Variants in ZNF746 observed in about 807,000 individuals in gnomAD.
ZNF746 encodes parkin-interacting substrate.
A neutral mutation model predicts 41.0 loss-of-function variants in ZNF746; 13 were observed. That is an observed-to-expected ratio of 0.32 (90% CI 0.21 to 0.50). The LOEUF (loss-of-function observed/expected upper bound fraction) is 0.50, where lower values mean the gene tolerates loss of function less well. ZNF746 is among the 20% of genes least tolerant of loss of function. ZNF746 has a pLI of 0.98. For synonymous variants in ZNF746, 424 were observed against 396.2 expected, an observed-to-expected ratio of 1.07 and a Z score of -0.83; for missense variants, 811 against 922.9, an observed-to-expected ratio of 0.88 and a Z score of 1.57.
At chr7:149,487,687 A>G (rs984008950) in intron 4 of ZNF746, 3 of 152,222 alleles carry the variant, frequency 2.0e-5, no homozygotes, top group Non-Finnish European at 2.9e-5. Flanking sequence ...AATAACTAAT[A>G]CATCTAATAA....
At chr7:149,480,928 A>G (rs1800467438) in intron 4 of ZNF746, among the ~76,000 whole-genome samples, 1 of 152,212 alleles carries the variant, frequency 6.6e-6, no homozygotes, top group Non-Finnish European at 1.5e-5. Context: ...AAGGTTAGAA[A>G]GGGGGCAAGG....
Position 149,494,202 on chromosome 7 carries a change from AC to A in ZNF746, c.324+1del. 1 of 1,613,982 alleles carries A rather than the reference AC, an allele frequency of 6.2e-7. No individual in the cohort carries two copies. Among genetic ancestry groups the A allele is most frequent in the Non-Finnish European group, 8.5e-7 (1 of 1,179,924 alleles). ...CCACACCCCAAGGCGTCCCAGGGCT[AC>A]CTTAGGGGACTCCCCCTTGCTGCCC... On this transcript the variant is annotated splice_donor_variant, in intron 2 of 6. Transcript: ENST00000458143. LOFTEE classifies it high-confidence loss of function. The surrounding 1 kb of genome is among the most constrained non-coding windows in gnomAD (Gnocchi z 5.6).
At chr7:149,496,895 G>C (rs1801015955) in intron 1 of ZNF746, 1 of 985,290 alleles carries the variant, frequency 1.0e-6, no homozygotes, top group South Asian at 4.7e-5. Flanking sequence ...ACACTTTCCA[G>C]CTGGGTAAGC....
intron 4 of ZNF746, chr7:149,491,813 C>T (rs981333794): frequency 2.9e-6 from 2 of 697,744 alleles, no homozygotes; most frequent in East Asian, 2.7e-5. Flanking sequence ...GGGGTCGAGC[C>T]TTGCAGAGAT....
Position 149,497,560 on chromosome 7 carries a change from C to A in ZNF746, c.-24G>T. 9.4e-7 allele frequency: 1 copy of A among 1,060,646 alleles called. No individual in the cohort carries two copies. Among genetic ancestry groups the A allele is most frequent in the Non-Finnish European group, 1.1e-6 (1 of 881,978 alleles). 65.7% of individuals were successfully genotyped at this position (1,060,646 alleles called of 1,614,324 possible). ...ATGGCCCTGCGCTGTCCCGCCCGGC[C>A]CGGAGGAAGTCGTCGTCGCCGCCGC... On this transcript the variant is annotated 5_prime_UTR_variant, in exon 1 of 7. Transcript: ENST00000458143. This position sits in a 1 kb window ranked among gnomAD's most constrained non-coding sequence, Gnocchi z 4.2.
At chr7:149,489,083 G>A (rs1324162080) in intron 4 of ZNF746, 2 of 152,030 alleles carry the variant, frequency 1.3e-5, no homozygotes, top group Non-Finnish European at 2.9e-5. Context: ...TAATTTTTCA[G>A]AACACAAAAA....
rs1474143327 is a variant in ZNF746, at chr7:149,474,875, C to A, written c.1492G>T (p.Gly498Cys). Residue 498 changes from glycine to cysteine, a missense_variant, in exon 7 of 7, where the codon GGC becomes TGC. This residue lies in a region of ZNF746 where 495 missense variants were observed against 481.6 expected (regional missense o/e 1.03). Transcript: ENST00000458143. The surrounding 1 kb of genome is among the most constrained non-coding windows in gnomAD (Gnocchi z 6.3). ...QRSCGAPDGS[G>C]PGTGGGGSGS... ...CTGCCGCCACCGCCTGTGCCCGGGC[C>A]CGACCCGTCGGGCGCCCCACAGCTG... 9 of 1,505,890 alleles carry A rather than the reference C, an allele frequency of 6.0e-6. No individual in the cohort carries two copies. Among genetic ancestry groups the A allele is most frequent in the Non-Finnish European group, 6.2e-6 (7 of 1,133,026 alleles). 93.3% of individuals were successfully genotyped at this position (1,505,890 alleles called of 1,614,324 possible). A position where few individuals can be genotyped will look rare whatever the true frequency, so the allele number is the denominator to read the frequency against.
chr7:149,480,324 G>T (rs562356049), intron 4 of ZNF746, among the ~76,000 whole-genome samples: 174 of 152,246 alleles, frequency 1.1e-3, no homozygotes, highest in African/African-American at 3.9e-3. Context: ...TAAAAAGGGG[G>T]AATGAAAGTA....
At chr7:149,485,700 G>A (rs993295634) in intron 4 of ZNF746, among the ~76,000 whole-genome samples, 13 of 151,510 alleles carry the variant, frequency 8.6e-5, no homozygotes, top group East Asian at 7.7e-4. Flanking sequence ...AGAAGATAAC[G>A]GCAACACACA....
chr7:149,493,359 G>A (rs1190639901), intron 3 of ZNF746, among the ~76,000 whole-genome samples: 3 of 152,200 alleles, frequency 2.0e-5, no homozygotes, highest in Non-Finnish European at 2.9e-5. Flanking sequence ...ACAACCTCAC[G>A]TCTGCACCTG....
At chr7:149,476,661 A>G (rs10266573) in intron 6 of ZNF746, among the ~76,000 whole-genome samples, 1 of 151,958 alleles carries the variant, frequency 6.6e-6, no homozygotes, top group Non-Finnish European at 1.5e-5. Context: ...TTCAAGAGAT[A>G]GGCTTGTTAG....
chr7:149,484,549 A>C lies in ZNF746; in HGVS notation c.566-6794T>G, dbSNP rs74659752. Among the ~76,000 whole-genome samples the C allele has an allele frequency of 2.0e-5, 3 of 152,362 alleles. No homozygotes were observed. The East Asian group carries it at 5.8e-4, about 29-fold the overall frequency. ...AGCCAGATAAAGGATATTTGTAAAC[A>C]AAATCTTTAGCAAATATTATACTCA... On this transcript the variant is annotated intron_variant, in intron 4 of 6. Transcript: ENST00000458143.
chr7:149,477,734 G>A lies in ZNF746; in HGVS notation c.587C>T (p.Ala196Val). The change falls in exon 5 of 7, where the codon GCC (alanine) becomes GTC (valine). Residue 196 changes from alanine (A) to valine (V), a missense_variant. Physicochemically the swap from Ala to Val is moderately conservative, Grantham distance 64. This residue lies in a region of ZNF746 where 495 missense variants were observed against 481.6 expected (regional missense o/e 1.03). Transcript: ENST00000458143. ...PSPGSGPPVP[A>V]PDLLMQIKQE... is the part of the protein sequence containing the mutation. ...CTTGATCTGCATCAAGAGGTCTGGG[G>A]CGGGAACTGGGGGCCCCGAGCCTAG... 1 of 1,608,504 alleles carries A rather than the reference G, an allele frequency of 6.2e-7. No individual in the cohort carries two copies. The highest frequency in any genetic ancestry group is 8.5e-7 in the Non-Finnish European group (1 of 1,176,006).
At chr7:149,495,428 T>C (rs980029897) in intron 1 of ZNF746, among the ~76,000 whole-genome samples, 12 of 152,150 alleles carry the variant, frequency 7.9e-5, no homozygotes, top group South Asian at 2.1e-4. Flanking sequence ...TTCCCTGTCA[T>C]TGGAAATGTT....
intron 4 of ZNF746, among the ~76,000 whole-genome samples, chr7:149,483,106 C>A (rs544511646): frequency 6.6e-6 from 1 of 152,268 alleles, no homozygotes; most frequent in East Asian, 1.9e-4. Flanking sequence ...AGCTACAACA[C>A]AATTAAGTTT....
intron 4 of ZNF746, among the ~76,000 whole-genome samples, chr7:149,486,336 C>T (rs778909979): frequency 3.2e-5 from 4 of 124,684 alleles, no homozygotes; most frequent in Non-Finnish European, 5.3e-5. Flanking sequence ...CTTTTCTTTC[C>T]TATGACCCAG....
chr7:149,494,238 C>A lies in ZNF746; in HGVS notation c.290G>T (p.Arg97Leu). ...LLRNRNFWILRLPPGSKGESP... is the reference protein window; with the variant it reads ...LLRNRNFWILLLPPGSKGESP... The stretch of plus-strand genomic sequence containing the variant: ...CTCCCCCTTGCTGCCCGGGGGCAGC[C>A]GCAGGATCCAGAAGTTCCTGTTGCG... Residue 97 changes from arginine (R) to leucine (L), a missense_variant, in exon 2 of 7, where the codon CGG (arginine) becomes CTG (leucine). Physicochemically the swap from Arg to Leu is moderately radical, Grantham distance 102 (BLOSUM62 -2). This residue lies in a region of ZNF746 where 147 missense variants were observed against 233.4 expected (regional missense o/e 0.63). Coordinates refer to ENST00000458143, the MANE Select transcript of ZNF746 (RefSeq NM_001394198.1). This position sits in a 1 kb window ranked among gnomAD's most constrained non-coding sequence, Gnocchi z 5.6. The A allele has an allele frequency of 6.2e-7, 1 of 1,614,150 alleles. No individual in the cohort carries two copies. Among genetic ancestry groups the A allele is most frequent in the Non-Finnish European group, 8.5e-7 (1 of 1,180,010 alleles).
chr7:149,493,620 G>A (rs563868625), intron 3 of ZNF746, among the ~76,000 whole-genome samples: 3 of 152,362 alleles, frequency 2.0e-5, no homozygotes, highest in South Asian at 4.1e-4. Context: ...TAAGGGCCAC[G>A]CATGTTTGTA....
In ZNF746 at chr7:149,474,278, T is replaced by G. The variant is rs1199947443; in HGVS notation, c.*106A>C. ...TCATCAGTTCAGCAACTTGGACATTTGGTTCTCCCCGTCCCGCGTCTGCCT... is the reference window on the plus strand; with the variant it reads ...TCATCAGTTCAGCAACTTGGACATTGGGTTCTCCCCGTCCCGCGTCTGCCT... On this transcript the variant is annotated 3_prime_UTR_variant, in exon 7 of 7. Transcript: ENST00000458143. The surrounding 1 kb of genome is among the most constrained non-coding windows in gnomAD (Gnocchi z 6.3). 1.9e-5 allele frequency: 25 copies of G among 1,321,898 alleles called. No individual in the cohort carries two copies. The highest frequency in any genetic ancestry group is 2.4e-5 in the Non-Finnish European group (23 of 965,326). The allele number at this position is 1,321,898 out of a possible 1,614,324, so 81.9% of individuals were successfully genotyped here. A position where few individuals can be genotyped will look rare whatever the true frequency, so the allele number is the denominator to read the frequency against.
Sources: allele counts gnomAD v4.1 joint callset (sites outside exome capture counted in the v4.1 genomes callset), GRCh38; gene constraint gnomAD v4.1.1; regional missense constraint gnomAD v4.1.1; non-coding constraint Gnocchi (gnomAD v3.1); transcripts MANE v1.5; gene names NCBI Gene and HGNC (gene_info 2026-07-23, HGNC 2026-07-21).